Variants in CFAP70 observed in about 807,000 individuals in gnomAD.
CFAP70 encodes cilia- and flagella-associated protein 70.
Under a neutral mutation model 137.6 loss-of-function variants are expected in CFAP70, and 81 were observed. That is an observed-to-expected ratio of 0.59 (90% CI 0.49 to 0.71). The LOEUF is 0.71. Among genes scored for constraint, CFAP70 ranks in the 30% least tolerant of loss-of-function variants. The pLI is 0.00. For synonymous variants in CFAP70, 382 were observed against 423.6 expected, an observed-to-expected ratio of 0.90 and a Z score of 1.20; for missense variants, 976 against 1,226.7, an observed-to-expected ratio of 0.80 and a Z score of 3.05.
intron 19 of CFAP70, among the ~76,000 whole-genome samples, chr10:73,289,068 G>A (rs12573407): frequency 0.071 from 10,852 of 152,046 alleles, 636 homozygotes; most frequent in East Asian, 0.31. Context: ...TGCCTGTTCT[G>A]AAATTAACTC....
At chr10:73,256,486 C>CTGCCTT in intron 25 of CFAP70, 70 bp from the exon 27 acceptor site, 1 of 1,557,214 alleles carries the variant, frequency 6.4e-7, no homozygotes, top group Non-Finnish European at 8.8e-7. Context: ...TACATTGCCT[C>CTGCCTT]AGCTAAGGCA....
intron 12 of CFAP70, among the ~76,000 whole-genome samples, chr10:73,306,709 AT>A (rs989730953): frequency 4.6e-5 from 7 of 152,170 alleles, no homozygotes; most frequent in African/African-American, 1.7e-4. Flanking sequence ...CTCTACAAAA[AT>A]TACAGAAAAA....
upstream of CFAP70, among the ~76,000 whole-genome samples, chr10:73,362,195 A>G (rs1275459952): frequency 1.3e-5 from 2 of 152,192 alleles, no homozygotes; most frequent in Admixed American, 6.5e-5. Flanking sequence ...ACAAGGAAAA[A>G]CAATGTCCAC....
At chr10:73,340,707 G>T (rs1227851173) in intron 6 of CFAP70, among the ~76,000 whole-genome samples, 1 of 152,210 alleles carries the variant, frequency 6.6e-6, no homozygotes, top group African/African-American at 2.4e-5. Flanking sequence ...GCAGGGGGTT[G>T]GTGTGTCAGC....
upstream of CFAP70, among the ~76,000 whole-genome samples, chr10:73,360,771 G>C (rs1259326001): frequency 6.6e-6 from 1 of 152,098 alleles, no homozygotes; most frequent in African/African-American, 2.4e-5. Context: ...CACTGAGACA[G>C]CTATCCCACT....
intron 3 of CFAP70, among the ~76,000 whole-genome samples, chr10:73,350,985 A>G (rs888246642): frequency 1.4e-5 from 2 of 143,226 alleles, no homozygotes; most frequent in Non-Finnish European, 3.0e-5. Context: ...GTGTGTGTGT[A>G]TATATATGTG....
intron 20 of CFAP70, 104 bp downstream of exon 21, chr10:73,278,075 A>G (rs1564772087): frequency 8.5e-7 from 1 of 1,171,746 alleles, no homozygotes; most frequent in Non-Finnish European, 1.2e-6. Context: ...GAGCCTGGTT[A>G]TCAACTTCAA....
At position 73,299,637 on chromosome 10, in the gene CFAP70, G is replaced by A. The variant is rs774844005; in HGVS notation, c.1285C>T (p.Pro429Ser). 205 of 1,612,978 alleles carry A rather than the reference G, an allele frequency of 1.3e-4. No homozygotes were observed. The highest frequency in any genetic ancestry group is 1.7e-4 in the Non-Finnish European group (197 of 1,179,444). ...GCTCCTCCTGTCCGACGGGTAAGAG[G>A]AGGCCTTGGAGGAATCATTTCCTTG... Residue 429 changes from proline (P) to serine (S), a missense_variant, in exon 13 of 27, where the codon CCT becomes TCT. Physicochemically the swap from Pro to Ser is moderately conservative, Grantham distance 74. Coordinates refer to ENST00000310715, the Ensembl canonical transcript of CFAP70.
intron 9 of CFAP70, among the ~76,000 whole-genome samples, chr10:73,319,029 A>C (rs1427292265): frequency 1.3e-5 from 2 of 152,212 alleles, no homozygotes; most frequent in African/African-American, 4.8e-5. Flanking sequence ...GAAAATTCTG[A>C]AGTTCCTTCA....
At chr10:73,359,903 A>C (rs185718170), upstream of CFAP70, among the ~76,000 whole-genome samples, 725 of 151,670 alleles carry the variant, frequency 4.8e-3, 1 homozygote, top group South Asian at 8.1e-3. Flanking sequence ...ACTAAAAAAA[A>C]ACACACACAC....
intron 19 of CFAP70, among the ~76,000 whole-genome samples, chr10:73,284,630 T>C (rs1362594163): frequency 6.7e-6 from 1 of 148,982 alleles, no homozygotes; most frequent in Non-Finnish European, 1.5e-5. Flanking sequence ...GTATCCCATT[T>C]TGACTTATCT....
chr10:73,307,884 C>CCTGT (rs2049523257), intron 12 of CFAP70, among the ~76,000 whole-genome samples: 2 of 148,826 alleles, frequency 1.3e-5, no homozygotes, highest in Admixed American at 1.3e-4. Flanking sequence ...GTGGTTCATG[C>CCTGT]CTGTAATCCT....
At position 73,349,136 on chromosome 10, in the gene CFAP70, C is replaced by G. The variant is rs2053974429; in HGVS notation, c.251-615G>C. ...CATATAATATTAATCTTTACTAGGT[C>G]AAAATCCTTAGGTATTTTCTATTCT... On this transcript the variant is annotated intron_variant, in intron 3 of 26. Coordinates refer to ENST00000310715, the Ensembl canonical transcript of CFAP70. 2.0e-5 allele frequency among the ~76,000 whole-genome samples: 3 copies of G among 151,690 alleles called. No individual in the cohort carries two copies. The South Asian group carries it at 6.2e-4, about 32-fold the overall frequency.
At chr10:73,256,663 G>T (rs2044535180) in intron 25 of CFAP70, among the ~76,000 whole-genome samples, 1 of 151,830 alleles carries the variant, frequency 6.6e-6, no homozygotes, top group Non-Finnish European at 1.5e-5. Context: ...CAGCACTTTG[G>T]GAGACCGAGG....
chr10:73,298,795 A>G lies in CFAP70; in HGVS notation c.1512+112T>C, dbSNP rs7078604. On this transcript the variant is annotated intron_variant, in intron 14 of 26. Transcript: ENST00000310715. ...AGAGAACTTAGCTCTTTGCCCCACC[A>G]AGAAAGGTAAGAGTATAGCTGAACA... The G allele has an allele frequency of 9.0e-3, 8,522 of 942,846 alleles. 367 individuals carry two copies. In the African/African-American group the frequency reaches 0.1, roughly 11 times the overall value. 58.4% of individuals were successfully genotyped at this position (942,846 alleles called of 1,614,324 possible).
In CFAP70 at chr10:73,310,070, A is replaced by C. The variant is rs533924278; in HGVS notation, c.1256+88T>G. 8.6e-5 allele frequency: 69 copies of C among 803,326 alleles called. No homozygotes were observed. The African/African-American group carries it at 1.1e-3, about 13-fold the overall frequency. 49.8% of individuals were successfully genotyped at this position (803,326 alleles called of 1,614,324 possible). ...AACCAGATAACTCCTGCTTAGCCCA[A>C]GGGAAATTACAATCGTGGGGACAAT... On this transcript the variant is annotated intron_variant, in intron 12 of 26. Coordinates refer to ENST00000310715, the Ensembl canonical transcript of CFAP70.
intron 12 of CFAP70, among the ~76,000 whole-genome samples, chr10:73,309,318 G>GT (rs1030903851): frequency 9.2e-5 from 14 of 152,068 alleles, no homozygotes; most frequent in Non-Finnish European, 1.5e-4. Flanking sequence ...AATATAAACA[G>GT]TTTTTTTAAA....
In CFAP70 at chr10:73,292,065, G is replaced by A. The variant is rs752197382; in HGVS notation, c.1771-51C>T. On this transcript the variant is annotated intron_variant, in intron 16 of 26. Transcript: ENST00000310715. Reference sequence around the variant, plus strand: ...TTGTGATACTATGTCCTATTTTTATGCATACGACATCACATGGTAAACACT... The same window carrying A: ...TTGTGATACTATGTCCTATTTTTATACATACGACATCACATGGTAAACACT... The A allele has an allele frequency of 9.4e-6, 15 of 1,597,836 alleles. No individual in the cohort carries two copies. In the South Asian group the frequency reaches 1.7e-4, roughly 18 times the overall value.
In CFAP70 at chr10:73,348,207, T is replaced by C. The variant is rs567202985; in HGVS notation, c.349+216A>G. 4 of 1,614,196 alleles carry C rather than the reference T, an allele frequency of 2.5e-6. No homozygotes were observed. The South Asian group carries it at 4.4e-5, about 18-fold the overall frequency. ...AGGGTGAGCCTTGCACAGGGTGCAA[T>C]GGAACTGTTGTTTGAAATGAACTCT... On this transcript the variant is annotated intron_variant, in intron 4 of 26. Coordinates refer to ENST00000310715, the Ensembl canonical transcript of CFAP70.
Sources: allele counts gnomAD v4.1 joint callset (sites outside exome capture counted in the v4.1 genomes callset), GRCh38; gene constraint gnomAD v4.1.1; transcripts MANE v1.5; gene names NCBI Gene and HGNC (gene_info 2026-07-23, HGNC 2026-07-21).